PIWIL4: variants seen among roughly 807,000 people sequenced by gnomAD.
The protein encoded by PIWIL4 is piwi-like protein 4.
A neutral mutation model predicts 100.9 loss-of-function variants in PIWIL4; 50 were observed. The observed-to-expected ratio is 0.50, with a 90% CI of 0.39 to 0.63. The LOEUF is 0.63. Among genes scored for constraint, PIWIL4 ranks in the 20% least tolerant of loss-of-function variants. The pLI is 0.00. For missense variants in PIWIL4, 887 were observed against 1,043.3 expected (o/e 0.85, Z 2.06); for synonymous variants, 342 against 367.5 (o/e 0.93, Z 0.79).
rs578045877 is a variant in PIWIL4, at chr11:94,604,131, C to T, written c.1638+75C>T. On this transcript the variant is annotated intron_variant, in intron 13 of 19. Coordinates refer to ENST00000299001, the MANE Select transcript of PIWIL4 (RefSeq NM_152431.3). ...GCTTTATATCTACAGTCTGAACATA[C>T]CCTCCCATGATATATTTGCAAATTG... is the stretch of plus-strand genomic sequence containing the variant. The T allele has an allele frequency of 6.8e-6, 6 of 876,168 alleles. No individual in the cohort carries two copies. The East Asian group carries it at 8.5e-5, about 12-fold the overall frequency. 54.3% of individuals were successfully genotyped at this position (876,168 alleles called of 1,614,324 possible).
In PIWIL4 at chr11:94,569,730, A is replaced by G. The variant is rs547893853; in HGVS notation, c.166+922A>G. Among the ~76,000 whole-genome samples the G allele has an allele frequency of 2.1e-5, 3 of 145,440 alleles. No homozygotes were observed. The East Asian group carries it at 6.8e-4, about 33-fold the overall frequency. On this transcript the variant is annotated intron_variant, in intron 2 of 19. Coordinates refer to ENST00000299001, the MANE Select transcript of PIWIL4 (RefSeq NM_152431.3). ...TCAGAAACAGAAAGTCAAATCCTGC[A>G]TGTTCTTACTTATAAGTGGAAGCTA...
At chr11:94,602,144 A>T (rs967728953) in intron 12 of PIWIL4, among the ~76,000 whole-genome samples, 165 bp downstream of exon 12, 1 of 152,238 alleles carries the variant, frequency 6.6e-6, no homozygotes, top group Non-Finnish European at 1.5e-5. Context: ...CTAAACTTTT[A>T]TAAAGTTAGA....
chr11:94,612,416 C>G (rs1373159291), intron 15 of PIWIL4, among the ~76,000 whole-genome samples: 1 of 150,532 alleles, frequency 6.6e-6, no homozygotes, highest in Non-Finnish European at 1.5e-5. Context: ...TATCCTTTTA[C>G]TTTCAATCTA....
At chr11:94,614,640 T>A (rs1482405914) in intron 15 of PIWIL4, among the ~76,000 whole-genome samples, 1 of 152,214 alleles carries the variant, frequency 6.6e-6, no homozygotes, top group African/African-American at 2.4e-5. Flanking sequence ...CTTGAAGTTT[T>A]GCATTGCTGT....
rs1948899816 is a variant in PIWIL4 at position 94,621,065 on chromosome 11, A to G, written c.*73A>G. 2 of 1,104,282 alleles carry G rather than the reference A, an allele frequency of 1.8e-6. No individual in the cohort carries two copies. The highest frequency in any genetic ancestry group is 1.5e-5 in the African/African-American group (1 of 64,896). 68.4% of individuals were successfully genotyped at this position (1,104,282 alleles called of 1,614,324 possible). ...GGTATACTTTGTGCAAATCTGCCAT[A>G]AGCTCAAGGCTGTGACTGGGGAAAA... On this transcript the variant is annotated 3_prime_UTR_variant, in exon 20 of 20. Coordinates refer to ENST00000299001, the MANE Select transcript of PIWIL4 (RefSeq NM_152431.3).
chr11:94,578,136 A>G (rs147666400), intron 4 of PIWIL4, among the ~76,000 whole-genome samples: 225 of 151,976 alleles, frequency 1.5e-3, no homozygotes, highest in Non-Finnish European at 2.6e-3. Flanking sequence ...CTTTGACTGG[A>G]CCACTTCCAC....
At chr11:94,596,863 A>T (rs1440381243) in intron 10 of PIWIL4, among the ~76,000 whole-genome samples, 4 of 152,224 alleles carry the variant, frequency 2.6e-5, no homozygotes. Flanking sequence ...ACATAATCCG[A>T]ATAGGTGGAA....
chr11:94,594,595 C>T (rs530278385), intron 9 of PIWIL4, among the ~76,000 whole-genome samples: 3 of 151,842 alleles, frequency 2.0e-5, no homozygotes, highest in South Asian at 2.1e-4. Flanking sequence ...TGCAATGGTG[C>T]GATCTTGGCT....
chr11:94,588,144 T>C (rs1948430477), intron 7 of PIWIL4, among the ~76,000 whole-genome samples: 1 of 151,476 alleles, frequency 6.6e-6, no homozygotes, highest in Non-Finnish European at 1.5e-5. Flanking sequence ...CCAGCGTGTG[T>C]TTTTCCCCTC....
At chr11:94,599,471 G>A (rs1164694306) in intron 11 of PIWIL4, among the ~76,000 whole-genome samples, 2 of 152,136 alleles carry the variant, frequency 1.3e-5, no homozygotes, top group Non-Finnish European at 2.9e-5. Flanking sequence ...CATTGTCCTG[G>A]GTCTCCTCCC....
chr11:94,582,258 C>T lies in PIWIL4; in HGVS notation c.514-1190C>T, dbSNP rs1276203545. Among the ~76,000 whole-genome samples, 3 of 152,098 alleles carry T rather than the reference C, an allele frequency of 2.0e-5. No homozygotes were observed. The East Asian group carries it at 5.8e-4, about 29-fold the overall frequency. ...TGTCTTAATCCTTTGTTCCAAAGCCCCTGCAGCAGTTTGAGAGGTGGGCAT... is the reference window on the plus strand; with the variant it reads ...TGTCTTAATCCTTTGTTCCAAAGCCTCTGCAGCAGTTTGAGAGGTGGGCAT... On this transcript the variant is annotated intron_variant, in intron 4 of 19. Transcript: ENST00000299001.
chr11:94,580,890 C>CTTTTTT (rs956802836), intron 4 of PIWIL4, among the ~76,000 whole-genome samples: 5 of 78,966 alleles, frequency 6.3e-5, no homozygotes, highest in Non-Finnish European at 1.2e-4. Flanking sequence ...CTCTGCCAGG[C>CTTTTTT]TTTTTTTTTT....
chr11:94,591,241 A>C (rs937878964), intron 8 of PIWIL4, among the ~76,000 whole-genome samples: 10 of 151,988 alleles, frequency 6.6e-5, no homozygotes, highest in Admixed American at 5.9e-4. Context: ...CCATCCACTC[A>C]CTGGCCTACA....
At chr11:94,601,002 C>G (rs959949919) in intron 11 of PIWIL4, among the ~76,000 whole-genome samples, 1 of 151,066 alleles carries the variant, frequency 6.6e-6, no homozygotes, top group Non-Finnish European at 1.5e-5. Flanking sequence ...TCATATTGTT[C>G]AAACACACAT....
chr11:94,618,558 G>A (rs1948870614), intron 17 of PIWIL4, among the ~76,000 whole-genome samples: 1 of 152,242 alleles, frequency 6.6e-6, no homozygotes, highest in Non-Finnish European at 1.5e-5. Context: ...AAGGGTTTGA[G>A]TGCCATGAAA....
intron 15 of PIWIL4, among the ~76,000 whole-genome samples, chr11:94,613,075 GTTT>G (rs1332519545): frequency 6.6e-6 from 1 of 152,054 alleles, no homozygotes; most frequent in Non-Finnish European, 1.5e-5. Context: ...GCTTTTATAT[GTTT>G]TTATGTTACT....
intron 13 of PIWIL4, among the ~76,000 whole-genome samples, 171 bp from the exon 14 acceptor site, chr11:94,607,268 A>G (rs1236200493): frequency 6.6e-6 from 1 of 152,220 alleles, no homozygotes; most frequent in East Asian, 1.9e-4. Context: ...TGATTAATTC[A>G]CCAGTGTTTT....
chr11:94,589,716 C>G (rs183980174), intron 8 of PIWIL4, among the ~76,000 whole-genome samples: 7 of 152,212 alleles, frequency 4.6e-5, no homozygotes, highest in African/African-American at 1.7e-4. Flanking sequence ...CACAGCCAGA[C>G]GAACACTAGA....
intron 8 of PIWIL4, among the ~76,000 whole-genome samples, chr11:94,589,440 A>G (rs1948451212): frequency 1.3e-5 from 2 of 151,878 alleles, no homozygotes; most frequent in Admixed American, 6.6e-5. Context: ...AGTCTGAGTA[A>G]TCTCCCTTTA....
Sources: allele counts gnomAD v4.1 joint callset (sites outside exome capture counted in the v4.1 genomes callset), GRCh38; gene constraint gnomAD v4.1.1; transcripts MANE v1.5; gene names NCBI Gene and HGNC (gene_info 2026-07-23, HGNC 2026-07-21).